IFT25: variants seen among roughly 807,000 people sequenced by gnomAD.
IFT25 encodes the protein intraflagellar transport 25.
the IFT25 span, among the ~76,000 whole-genome samples, chr1:53,925,742 C>T: frequency 1.8e-4 from 28 of 151,408 alleles, no homozygotes; most frequent in Admixed American, 3.3e-4. Context: ...CCACATATAC[C>T]CATAAGCTAG....
chr1:53,941,571 T>C, the IFT25 span, among the ~76,000 whole-genome samples: 3 of 152,310 alleles, frequency 2.0e-5, no homozygotes, highest in African/African-American at 7.2e-5. Flanking sequence ...TTACCACAGT[T>C]TTCGACACTA....
At chr1:53,945,939 C>G in the IFT25 span, 2 of 145,522 alleles carry the variant, frequency 1.4e-5, no homozygotes, top group Admixed American at 1.4e-4. Flanking sequence ...CCGAGCTTTT[C>G]GCGCCACGCC....
chr1:53,917,858 T>C, the IFT25 span, among the ~76,000 whole-genome samples: 1 of 151,886 alleles, frequency 6.6e-6, no homozygotes, highest in Non-Finnish European at 1.5e-5. Flanking sequence ...CATTTTTCAG[T>C]TTGTCTATTC....
chr1:53,922,295 G>T, the IFT25 span, among the ~76,000 whole-genome samples: 1 of 151,970 alleles, frequency 6.6e-6, no homozygotes, highest in Non-Finnish European at 1.5e-5. Flanking sequence ...TTGAGAGGCT[G>T]AGGCAGGAGA....
the IFT25 span, among the ~76,000 whole-genome samples, chr1:53,924,369 A>ATT: frequency 2.0e-5 from 3 of 152,234 alleles, no homozygotes; most frequent in Non-Finnish European, 4.4e-5. Flanking sequence ...TGAGTTTCTC[A>ATT]GTGAAACTTT....
chr1:53,945,880 TCCCGGGCGCGC>T, the IFT25 span: 1 of 68,544 alleles, frequency 1.5e-5, no homozygotes, highest in Non-Finnish European at 2.4e-5. Context: ...TCCACCGAGT[TCCCGGGCGCGC>T]TCGCTCCACC....
chr1:53,937,968 A>G, the IFT25 span, among the ~76,000 whole-genome samples: 1 of 152,236 alleles, frequency 6.6e-6, no homozygotes, highest in Non-Finnish European at 1.5e-5. Context: ...TTCAAACTAA[A>G]TTTGAGTTAA....
At chr1:53,913,067 T>G in the IFT25 span, among the ~76,000 whole-genome samples, 15 of 152,226 alleles carry the variant, frequency 9.9e-5, no homozygotes, top group Admixed American at 7.2e-4. Flanking sequence ...AGATGCACTC[T>G]TTCCTGAGAA....
At chr1:53,913,354 C>T in the IFT25 span, among the ~76,000 whole-genome samples, 1 of 152,174 alleles carries the variant, frequency 6.6e-6, no homozygotes, top group Non-Finnish European at 1.5e-5. Context: ...TGAGAGCGCT[C>T]CCTCAATAAA....
the IFT25 span, chr1:53,930,113 A>G: frequency 6.4e-7 from 1 of 1,570,092 alleles, no homozygotes; most frequent in Non-Finnish European, 8.6e-7. Flanking sequence ...CTGGGGAAAC[A>G]TTCCTGTGGT....
At chr1:53,922,311 T>C in the IFT25 span, among the ~76,000 whole-genome samples, 1 of 151,872 alleles carries the variant, frequency 6.6e-6, no homozygotes, top group African/African-American at 2.4e-5. Flanking sequence ...GGAGAATCGC[T>C]TGAACCCGGG....
the IFT25 span, chr1:53,940,142 A>G: frequency 1.0e-6 from 1 of 978,456 alleles, no homozygotes; most frequent in South Asian, 1.4e-5. Context: ...TTGATTCTCT[A>G]AACTTTATCT....
At chr1:53,914,220 TA>T in the IFT25 span, among the ~76,000 whole-genome samples, 2 of 152,248 alleles carry the variant, frequency 1.3e-5, no homozygotes, top group Non-Finnish European at 2.9e-5. Context: ...ACACGTTTAA[TA>T]AAGTCTCTAG....
chr1:53,916,769 G>T, the IFT25 span: 1 of 387,584 alleles, frequency 2.6e-6, no homozygotes, highest in South Asian at 1.3e-4. Context: ...CATTATGAAT[G>T]ACTACTCACC....
the IFT25 span, among the ~76,000 whole-genome samples, chr1:53,936,086 C>T: frequency 4.0e-5 from 6 of 151,468 alleles, no homozygotes; most frequent in Middle Eastern, 3.2e-3. Flanking sequence ...ATGGTGAAAC[C>T]CTGTCTCTTA....
the IFT25 span, among the ~76,000 whole-genome samples, chr1:53,922,258 G>A: frequency 6.6e-6 from 1 of 152,244 alleles, no homozygotes; most frequent in South Asian, 2.1e-4. Flanking sequence ...GCTGGGCGTG[G>A]TGGCACGCAC....
the IFT25 span, among the ~76,000 whole-genome samples, chr1:53,928,091 C>G: frequency 6.6e-6 from 1 of 152,160 alleles, no homozygotes; most frequent in Non-Finnish European, 1.5e-5. Flanking sequence ...TATTATATGC[C>G]AGACACTAGT....
chr1:53,936,304 G>C, the IFT25 span, among the ~76,000 whole-genome samples: 1 of 151,732 alleles, frequency 6.6e-6, no homozygotes, highest in African/African-American at 2.4e-5. Context: ...ACAAAAATTA[G>C]TCGGACATGG....
chr1:53,936,169 T>G, the IFT25 span, among the ~76,000 whole-genome samples: 13 of 151,962 alleles, frequency 8.6e-5, no homozygotes, highest in African/African-American at 3.1e-4. Flanking sequence ...GCATCTGTAA[T>G]CCCAGCTACT....
Sources: allele counts gnomAD v4.1 joint callset (sites outside exome capture counted in the v4.1 genomes callset), GRCh38; gene constraint gnomAD v4.1.1; transcripts MANE v1.5; gene names NCBI Gene and HGNC (gene_info 2026-07-23, HGNC 2026-07-21).